RPRD2: variants seen among roughly 807,000 people sequenced by gnomAD.
RPRD2 encodes regulation of nuclear pre-mRNA domain containing 2, also known as regulation of nuclear pre-mRNA domain-containing protein 2.
A neutral mutation model predicts 104.4 loss-of-function variants in RPRD2; 12 were observed. That is an observed-to-expected ratio of 0.11 (90% confidence interval 0.07 to 0.19). The LOEUF (loss-of-function observed/expected upper bound fraction) is 0.19. Among genes scored for constraint, RPRD2 ranks in the 10% least tolerant of loss-of-function variants. The pLI, the probability that RPRD2 is intolerant of heterozygous loss-of-function variation, is 1.00. For synonymous variants in RPRD2, 714 were observed against 684.9 expected, an observed-to-expected ratio of 1.04 and a Z score of -0.66; for missense variants, 1,543 against 1,790.1, an observed-to-expected ratio of 0.86 and a Z score of 2.49.
At chr1:150,403,852 T>G (rs1447640883) in intron 1 of RPRD2, among the ~76,000 whole-genome samples, 1 of 152,144 alleles carries the variant, frequency 6.6e-6, no homozygotes, top group Non-Finnish European at 1.5e-5. Context: ...CAAACTGGCC[T>G]GAAACTCTTG....
Position 150,446,380 on chromosome 1 carries a change from A to G in RPRD2, c.849A>G (p.Lys283=). Residue 283 remains lysine (K), a synonymous_variant, in exon 7 of 11, where the codon AAA becomes AAG. Coordinates refer to ENST00000369068, the MANE Select transcript of RPRD2 (RefSeq NM_015203.5). ...NAGIFYEAQY[K]EVKVVANAYK... ...GAATTTTCTATGAAGCACAATACAAAGAAGTAAAAGTGGTGGCTAATGTAA... is the reference window on the plus strand; with the variant it reads ...GAATTTTCTATGAAGCACAATACAAGGAAGTAAAAGTGGTGGCTAATGTAA... 1 of 1,596,068 alleles carries G rather than the reference A, an allele frequency of 6.3e-7. No individual in the cohort carries two copies. The highest frequency in any genetic ancestry group is 8.5e-7 in the Non-Finnish European group (1 of 1,175,814).
intron 2 of RPRD2, among the ~76,000 whole-genome samples, chr1:150,438,940 T>A (rs1553893774): frequency 6.6e-6 from 1 of 152,102 alleles, no homozygotes; most frequent in Non-Finnish European, 1.5e-5. Flanking sequence ...GTTCAAGCAA[T>A]TCTCCTGCCT....
chr1:150,375,070 G>A (rs1660602478), intron 1 of RPRD2, among the ~76,000 whole-genome samples: 1 of 150,338 alleles, frequency 6.7e-6, no homozygotes, highest in African/African-American at 2.5e-5. Flanking sequence ...ATTTTTCCAG[G>A]TTTCTGGCAA....
At position 150,444,350 on chromosome 1, in the gene RPRD2, A is replaced by G; in HGVS notation, c.667A>G (p.Ser223Gly). ...GTCAACTATGAGGGTGGATGTGTGC[A>G]GCACAGAAACTCTCAAATGCTTAAA... ...QLSTMRVDVC[S>G]TETLKCLKDK... Residue 223 changes from serine to glycine, a missense_variant, in exon 6 of 11, where the codon AGC becomes GGC. Physicochemically the swap from Ser to Gly is moderately conservative, Grantham distance 56. Coordinates refer to ENST00000369068, the MANE Select transcript of RPRD2 (RefSeq NM_015203.5). The G allele has an allele frequency of 6.2e-7, 1 of 1,613,840 alleles. No homozygotes were observed. The highest frequency in any genetic ancestry group is 1.1e-5 in the South Asian group (1 of 91,050).
intron 6 of RPRD2, among the ~76,000 whole-genome samples, 156 bp from the exon 7 acceptor site, chr1:150,446,067 CAAA>C (rs5777728): frequency 4.3e-5 from 4 of 93,354 alleles, no homozygotes; most frequent in Middle Eastern, 7.9e-3. Flanking sequence ...GACTCCGTCT[CAAA>C]AAAAAAAAAA....
intron 1 of RPRD2, among the ~76,000 whole-genome samples, chr1:150,416,947 T>G (rs900650351): frequency 2.0e-4 from 30 of 151,966 alleles, no homozygotes; most frequent in African/African-American, 6.3e-4. Flanking sequence ...TCATATTATT[T>G]TGCAGGACAT....
At chr1:150,396,314 C>T (rs1662521596) in intron 1 of RPRD2, among the ~76,000 whole-genome samples, 1 of 151,446 alleles carries the variant, frequency 6.6e-6, no homozygotes, top group African/African-American at 2.4e-5. Context: ...TCTGTTTACT[C>T]TTGCTGACTG....
At chr1:150,383,779 C>T (rs949944606) in intron 1 of RPRD2, among the ~76,000 whole-genome samples, 8 of 152,240 alleles carry the variant, frequency 5.3e-5, no homozygotes, top group Admixed American at 2.0e-4. Context: ...AGGACATCCC[C>T]ACACATGCAT....
chr1:150,369,137 C>G (rs1660072534), intron 1 of RPRD2, among the ~76,000 whole-genome samples: 1 of 152,166 alleles, frequency 6.6e-6, no homozygotes, highest in Non-Finnish European at 1.5e-5. Flanking sequence ...ACTTAAGGAA[C>G]AGAATTGCTT....
chr1:150,384,639 TTGTGTGTGTGTGTGTGTGTGTGTGTG>T (rs71086504), intron 1 of RPRD2, among the ~76,000 whole-genome samples: 1,678 of 133,400 alleles, frequency 0.013, 25 homozygotes, highest in African/African-American at 0.044. Flanking sequence ...CCTGGCTAAT[TTGTGTGTGTGTGTGTGTGTGTGTGTG>T]TGTGTGTGTG....
At chr1:150,428,793 G>A (rs1428474708) in intron 2 of RPRD2, among the ~76,000 whole-genome samples, 1 of 152,106 alleles carries the variant, frequency 6.6e-6, no homozygotes, top group East Asian at 1.9e-4. Context: ...GTGGTGTTTA[G>A]TTTTATGTAA....
chr1:150,466,239 G>C (rs959966821), intron 10 of RPRD2, among the ~76,000 whole-genome samples: 1 of 151,738 alleles, frequency 6.6e-6, no homozygotes, highest in Non-Finnish European at 1.5e-5. Context: ...TTAGCCGGGC[G>C]TGGTGGCGGG....
intron 1 of RPRD2, among the ~76,000 whole-genome samples, chr1:150,388,289 A>T (rs1383868915): frequency 1.3e-5 from 2 of 151,830 alleles, no homozygotes; most frequent in African/African-American, 4.8e-5. Context: ...TGAAGATAGT[A>T]CAGAGAGTGC....
At chr1:150,396,669 A>G (rs1178048870) in intron 1 of RPRD2, among the ~76,000 whole-genome samples, 1 of 152,138 alleles carries the variant, frequency 6.6e-6, no homozygotes, top group Non-Finnish European at 1.5e-5. Context: ...TACCACCATC[A>G]TCCTTTACAG....
chr1:150,459,821 T>C (rs1553898380), intron 8 of RPRD2, among the ~76,000 whole-genome samples: 1 of 152,154 alleles, frequency 6.6e-6, no homozygotes, highest in Non-Finnish European at 1.5e-5. Context: ...CTCGAAATCC[T>C]GACCTCACAT....
At chr1:150,413,462 G>A (rs1233812268) in intron 1 of RPRD2, among the ~76,000 whole-genome samples, 3 of 152,118 alleles carry the variant, frequency 2.0e-5, no homozygotes, top group Non-Finnish European at 4.4e-5. Context: ...AATTAGCTGG[G>A]TGCGGTGGCG....
chr1:150,456,106 C>A (rs11582170), intron 7 of RPRD2, among the ~76,000 whole-genome samples: 4 of 151,984 alleles, frequency 2.6e-5, no homozygotes, highest in Non-Finnish European at 5.9e-5. Flanking sequence ...GCTGAGATTA[C>A]AGACATGAAC....
chr1:150,464,502 C>G (rs1043604923), intron 9 of RPRD2, 25 bp from the exon 10 acceptor site: 4 of 1,560,744 alleles, frequency 2.6e-6, no homozygotes, highest in Non-Finnish European at 3.5e-6. Context: ...ATTGCATTTT[C>G]TTGAGTTCAT....
At chr1:150,438,599 A>C (rs1553893724) in intron 2 of RPRD2, among the ~76,000 whole-genome samples, 1 of 151,758 alleles carries the variant, frequency 6.6e-6, no homozygotes, top group African/African-American at 2.4e-5. Context: ...ATTGCACTCC[A>C]GCCTGGGTGA....
Sources: allele counts gnomAD v4.1 joint callset (sites outside exome capture counted in the v4.1 genomes callset), GRCh38; gene constraint gnomAD v4.1.1; transcripts MANE v1.5; gene names NCBI Gene and HGNC (gene_info 2026-07-23, HGNC 2026-07-21).